Variants in GPR139 observed in about 807,000 individuals in gnomAD.
GPR139 encodes the protein G protein-coupled receptor 139.
Under a neutral mutation model 25.8 loss-of-function variants are expected in GPR139, and 12 were observed. That is an observed-to-expected ratio of 0.47 (90% CI 0.30 to 0.75). The LOEUF is 0.75. Ranked by LOEUF, GPR139 falls within the 30% of genes least tolerant of loss-of-function variation. The pLI is 0.07. For synonymous variants in GPR139, 184 were observed against 179.9 expected (o/e 1.02, Z -0.18); for missense variants, 380 against 450.2 (o/e 0.84, Z 1.41).
rs779166553 is a variant in GPR139 at position 20,032,350 on chromosome 16, A to C, written c.447T>G (p.Ile149Met). Reference protein sequence around the residue: ...VSYPARTRKVIVSVYITCFLT... With the variant: ...VSYPARTRKVMVSVYITCFLT... Reference sequence around the variant, plus strand: ...GGAAGCAGGTGATGTAAACACTTACAATGACTTTCCGGGTGCGGGCTGGGT... The same window carrying C: ...GGAAGCAGGTGATGTAAACACTTACCATGACTTTCCGGGTGCGGGCTGGGT... The change falls in exon 2 of 2, where the codon ATT (isoleucine) becomes ATG (methionine). Residue 149 changes from isoleucine (I) to methionine (M), a missense_variant. Ile to Met is a conservative substitution (Grantham distance 10). Transcript: ENST00000570682. The C allele has an allele frequency of 6.2e-7, 1 of 1,614,198 alleles. No homozygotes were observed. The highest frequency in any genetic ancestry group is 1.1e-5 in the South Asian group (1 of 91,078).
intron 1 of GPR139, among the ~76,000 whole-genome samples, chr16:20,049,277 C>T (rs898901819): frequency 1.3e-5 from 2 of 152,188 alleles, no homozygotes; most frequent in African/African-American, 4.8e-5. Flanking sequence ...CTCTGTGTGA[C>T]ATCCATCTGT....
intron 1 of GPR139, among the ~76,000 whole-genome samples, chr16:20,068,236 C>CAAAAAAAAA (rs10534277): frequency 9.2e-6 from 1 of 109,046 alleles, no homozygotes; most frequent in Non-Finnish European, 1.9e-5. Flanking sequence ...CTATTTAATG[C>CAAAAAAAAA]AAAAAAAAAA....
intron 1 of GPR139, among the ~76,000 whole-genome samples, chr16:20,057,570 C>A (rs1385353925): frequency 6.6e-6 from 1 of 151,472 alleles, no homozygotes. Context: ...CCCTCCCTTC[C>A]TCCATCCATC....
At chr16:20,070,162 G>A (rs2057454698) in intron 1 of GPR139, among the ~76,000 whole-genome samples, 1 of 152,194 alleles carries the variant, frequency 6.6e-6, no homozygotes, top group African/African-American at 2.4e-5. Context: ...CTGTGCGACA[G>A]TAGATAAGAT....
chr16:20,044,858 T>G (rs2057348511), intron 1 of GPR139, among the ~76,000 whole-genome samples: 1 of 152,202 alleles, frequency 6.6e-6, no homozygotes, highest in Non-Finnish European at 1.5e-5. Context: ...TAAAGTTGTA[T>G]GCAATGGTAT....
intron 1 of GPR139, among the ~76,000 whole-genome samples, chr16:20,067,466 G>T (rs2057439040): frequency 6.6e-6 from 1 of 152,180 alleles, no homozygotes; most frequent in Non-Finnish European, 1.5e-5. Context: ...GACGAGTCAT[G>T]CAGTATACAA....
rs1310132792 is a variant in GPR139, at chr16:20,032,073, C to T, written c.724G>A (p.Ala242Thr). 3 of 1,614,074 alleles carry T rather than the reference C, an allele frequency of 1.9e-6. No homozygotes were observed. The highest frequency in any genetic ancestry group is 2.5e-6 in the Non-Finnish European group (3 of 1,180,018). Residue 242 changes from alanine (A) to threonine (T), a missense_variant, in exon 2 of 2, where the codon GCC becomes ACC. Ala to Thr is a moderately conservative substitution (Grantham distance 58). Transcript: ENST00000570682. ...TITSIFATLW[A>T]PRIIMILYHL... ...TAAAGAATCATGATGATGCGGGGGGCCCAAAGTGTGGCAAAGATGGAGGTA... is the reference window on the plus strand; with the variant it reads ...TAAAGAATCATGATGATGCGGGGGGTCCAAAGTGTGGCAAAGATGGAGGTA...
intron 1 of GPR139, among the ~76,000 whole-genome samples, chr16:20,047,149 C>T (rs906550376): frequency 7.4e-5 from 11 of 149,498 alleles, no homozygotes; most frequent in Admixed American, 2.7e-4. Flanking sequence ...CTCGCTTTTT[C>T]GCCCAGGCTG....
chr16:20,065,031 G>A (rs764182044), intron 1 of GPR139, among the ~76,000 whole-genome samples: 1 of 151,784 alleles, frequency 6.6e-6, no homozygotes. Flanking sequence ...GTTTTTCCTC[G>A]ATCCTCCCTC....
rs2057286386 is a variant in GPR139 at position 20,031,197 on chromosome 16, A to G, written c.*538T>C. Reference sequence around the variant, plus strand: ...CCCACAGTGTCATTCTGAAGCTAGGAGTGCCAGAGCCAATTCAAGACCACA... The same window carrying G: ...CCCACAGTGTCATTCTGAAGCTAGGGGTGCCAGAGCCAATTCAAGACCACA... On this transcript the variant is annotated 3_prime_UTR_variant, in exon 2 of 2. Transcript: ENST00000570682. Among the ~76,000 whole-genome samples, 1 of 152,132 alleles carries G rather than the reference A, an allele frequency of 6.6e-6. No individual in the cohort carries two copies. The highest frequency in any genetic ancestry group is 1.5e-5 in the Non-Finnish European group (1 of 68,028).
chr16:20,038,073 G>T (rs1312211077), intron 1 of GPR139, among the ~76,000 whole-genome samples: 2 of 151,636 alleles, frequency 1.3e-5, no homozygotes, highest in African/African-American at 4.8e-5. Flanking sequence ...TGTTGGCCAG[G>T]CTGGTCTCAA....
chr16:20,060,751 TCC>T lies in GPR139; in HGVS notation c.127+12737_127+12738del, dbSNP rs376799878. Among the ~76,000 whole-genome samples the T allele has an allele frequency of 2.6e-5, 4 of 152,224 alleles. No individual in the cohort carries two copies. In the East Asian group the frequency reaches 7.7e-4, roughly 29 times the overall value. On this transcript the variant is annotated intron_variant, in intron 1 of 1. Transcript: ENST00000570682. The stretch of plus-strand genomic sequence containing the variant: ...CTCTGCTTGCATCTGGCACCATGCA[TCC>T]CCCTTCTCCTTTTTTGGTCACTCCA...
In GPR139 at chr16:20,030,494, GA is replaced by G. The variant is rs1421750895; in HGVS notation, c.*1240del. ...GGATGCCCCTATTCATTACATCCTAGAAATGTTCTTGCCTTGGACAGGCAAG... is the reference window on the plus strand; with the variant it reads ...GGATGCCCCTATTCATTACATCCTAGAATGTTCTTGCCTTGGACAGGCAAG... On this transcript the variant is annotated 3_prime_UTR_variant, in exon 2 of 2. Coordinates refer to ENST00000570682, the MANE Select transcript of GPR139 (RefSeq NM_001002911.4). 1.3e-5 allele frequency among the ~76,000 whole-genome samples: 2 copies of G among 152,172 alleles called. No homozygotes were observed. The highest frequency in any genetic ancestry group is 1.3e-4 in the Admixed American group (2 of 15,282).
At position 20,032,170 on chromosome 16, in the gene GPR139, C is replaced by T. The variant is rs188232183; in HGVS notation, c.627G>A (p.Lys209=). 1.1e-5 allele frequency: 18 copies of T among 1,614,192 alleles called. No individual in the cohort carries two copies. The African/African-American group carries it at 2.4e-4, about 22-fold the overall frequency. The change falls in exon 2 of 2, where the codon AAG becomes AAA. Residue 209 remains lysine (K), a synonymous_variant. Transcript: ENST00000570682. ...FFILNSIIVY[K]LRRKSNFRLR... Reference sequence around the variant, plus strand: ...GACGAAAATTGCTCTTCCTCCTGAGCTTGTACACAATGATTGAGTTCAAGA... The same window carrying T: ...GACGAAAATTGCTCTTCCTCCTGAGTTTGTACACAATGATTGAGTTCAAGA...
At chr16:20,063,645 C>T (rs1019590044) in intron 1 of GPR139, among the ~76,000 whole-genome samples, 4 of 152,222 alleles carry the variant, frequency 2.6e-5, no homozygotes, top group African/African-American at 9.6e-5. Flanking sequence ...CTTGTACCAC[C>T]TAAAATAATC....
chr16:20,072,992 T>C (rs550288334), intron 1 of GPR139, among the ~76,000 whole-genome samples: 1 of 152,232 alleles, frequency 6.6e-6, no homozygotes, highest in Admixed American at 6.5e-5. Context: ...GAGTGCTCAA[T>C]GTCAGGGTCT....
At chr16:20,045,212 C>G (rs1364109911) in intron 1 of GPR139, among the ~76,000 whole-genome samples, 1 of 152,048 alleles carries the variant, frequency 6.6e-6, no homozygotes, top group African/African-American at 2.4e-5. Context: ...GTTGGCCAGG[C>G]TGCTCTCGAA....
rs2057282409 is a variant in GPR139, at chr16:20,030,166, C to T, written c.*1569G>A. 6.6e-6 allele frequency among the ~76,000 whole-genome samples: 1 copy of T among 152,154 alleles called. No individual in the cohort carries two copies. The highest frequency in any genetic ancestry group is 2.4e-5 in the African/African-American group (1 of 41,432). ...GTTGCCATGGGGCCTTTTCTTATCCCATTCATTTATTGCAAATTCCCTTAA... is the reference window on the plus strand; with the variant it reads ...GTTGCCATGGGGCCTTTTCTTATCCTATTCATTTATTGCAAATTCCCTTAA... On this transcript the variant is annotated 3_prime_UTR_variant, in exon 2 of 2. Coordinates refer to ENST00000570682, the MANE Select transcript of GPR139 (RefSeq NM_001002911.4).
chr16:20,032,646 G>A lies in GPR139; in HGVS notation c.151C>T (p.Leu51Phe), dbSNP rs1227813348. Residue 51 changes from leucine (L) to phenylalanine (F), a missense_variant, in exon 2 of 2, where the codon CTC becomes TTC. Leu to Phe is a conservative substitution (Grantham distance 22). Coordinates refer to ENST00000570682, the MANE Select transcript of GPR139 (RefSeq NM_001002911.4). ...TGTCTTCTTGCCACCAGCTGGGAGA[G>A]GATGATCACTGTCAAGATATTTGCT... is the stretch of plus-strand genomic sequence containing the variant. ...LPANILTVIILSQLVARRQKS... is the reference protein window; with the variant it reads ...LPANILTVIIFSQLVARRQKS... 6.2e-7 allele frequency: 1 copy of A among 1,607,962 alleles called. No homozygotes were observed. Among genetic ancestry groups the A allele is most frequent in the African/African-American group, 1.3e-5 (1 of 74,850 alleles).
Sources: gnomAD v4.1 joint callset for allele counts (sites outside exome capture counted in the v4.1 genomes callset) on GRCh38, gnomAD v4.1.1 for gene constraint, MANE v1.5 for transcripts, NCBI Gene and HGNC (gene_info 2026-07-23, HGNC 2026-07-21) for gene names.